Variants in KIAA1671 observed in about 807,000 individuals in gnomAD.
KIAA1671 encodes KIAA1671, also known as uncharacterized protein KIAA1671.
A neutral mutation model predicts 131.2 loss-of-function variants in KIAA1671; 52 were observed. The ratio of observed to expected loss-of-function variants is 0.40; its 90% confidence interval spans 0.32 to 0.50. The LOEUF (loss-of-function observed/expected upper bound fraction) is 0.50. Ranked by LOEUF, KIAA1671 falls within the 20% of genes least tolerant of loss-of-function variation. The pLI is 0.73. For missense variants in KIAA1671, 2,360 were observed against 2,364.2 expected, an observed-to-expected ratio of 1.00 and a Z score of 0.04; for synonymous variants, 1,003 against 961.6, an observed-to-expected ratio of 1.04 and a Z score of -0.80.
At position 25,046,402 on chromosome 22, in the gene KIAA1671, TCCTTCCTCTCTCCATC is replaced by T. The variant is rs150802519; in HGVS notation, c.4396-2800_4396-2785del. On this transcript the variant is annotated intron_variant, in intron 5 of 12. Coordinates refer to ENST00000358431, the MANE Select transcript of KIAA1671 (RefSeq NM_001145206.2). ...AGGGTGTGATGGTCATTAAAGTGATTCCTTCCTCTCTCCATCCCTTCCTCTCTCCATCCCTTCCTCT... is the reference window on the plus strand; with the variant it reads ...AGGGTGTGATGGTCATTAAAGTGATTCCTTCCTCTCTCCATCCCTTCCTCT... 3.0e-3 allele frequency among the ~76,000 whole-genome samples: 443 copies of T among 146,846 alleles called. 3 individuals carry two copies. Among genetic ancestry groups the T allele is most frequent in the African/African-American group, 9.1e-3 (360 of 39,434 alleles).
chr22:25,027,969 TC>T lies in KIAA1671; in HGVS notation c.-29del. On this transcript the variant is annotated 5_prime_UTR_variant, in exon 3 of 13. Coordinates refer to ENST00000358431, the MANE Select transcript of KIAA1671 (RefSeq NM_001145206.2). Reference sequence around the variant, plus strand: ...GCAATTGCTTCTCCATTCTTGAAGTTCCTAACCCCCATGAATCCACAACCAT... The same window carrying T: ...GCAATTGCTTCTCCATTCTTGAAGTTCTAACCCCCATGAATCCACAACCAT... 7.0e-7 allele frequency: 1 copy of T among 1,434,198 alleles called. No individual in the cohort carries two copies. Among genetic ancestry groups the T allele is most frequent in the Non-Finnish European group, 9.2e-7 (1 of 1,082,100 alleles). 88.8% of individuals were successfully genotyped at this position (1,434,198 alleles called of 1,614,324 possible). A position where few individuals can be genotyped will look rare whatever the true frequency, so the allele number is the denominator to read the frequency against.
chr22:25,028,933 G>T lies in KIAA1671; in HGVS notation c.934G>T (p.Asp312Tyr), dbSNP rs1212352861. 74 of 1,551,402 alleles carry T rather than the reference G, an allele frequency of 4.8e-5. No homozygotes were observed. Among genetic ancestry groups the T allele is most frequent in the Non-Finnish European group, 6.4e-5 (73 of 1,146,964 alleles). The change falls in exon 3 of 13, where the codon GAT becomes TAT. Residue 312 changes from aspartate (D) to tyrosine (Y), a missense_variant. Physicochemically the swap from Asp to Tyr is radical, Grantham distance 160 (BLOSUM62 -3). This residue lies in a region of KIAA1671 where 1,185 missense variants were observed against 1,126.2 expected (regional missense o/e 1.05). Transcript: ENST00000358431. Reference sequence around the variant, plus strand: ...TGAAGGAAGTGGACCCACAGCAGGGGATATGGCTGGGCTAGAGAGGCCCAG... The same window carrying T: ...TGAAGGAAGTGGACCCACAGCAGGGTATATGGCTGGGCTAGAGAGGCCCAG... ...ADEGSGPTAG[D>Y]MAGLERPRAA...
chr22:25,110,022 A>T (rs1003915423), intron 6 of KIAA1671: 1 of 152,280 alleles, frequency 6.6e-6, no homozygotes, highest in Non-Finnish European at 1.5e-5. Flanking sequence ...GCTACCGAGG[A>T]GGCTGAGGTG....
At chr22:25,091,632 G>A (rs1250998551) in intron 6 of KIAA1671, among the ~76,000 whole-genome samples, 2 of 152,154 alleles carry the variant, frequency 1.3e-5, no homozygotes, top group Non-Finnish European at 1.5e-5. Flanking sequence ...GCGGAACTGC[G>A]CTTGAAGATT....
chr22:25,105,253 C>T (rs559130937), intron 6 of KIAA1671, among the ~76,000 whole-genome samples: 1 of 152,248 alleles, frequency 6.6e-6, no homozygotes, highest in East Asian at 1.9e-4. Context: ...AACTCCTGAC[C>T]TCAGAGAATC....
intron 1 of KIAA1671, among the ~76,000 whole-genome samples, chr22:24,956,024 CAAAAAAAAAAAA>C (rs1167493018): frequency 1.9e-5 from 1 of 51,910 alleles, no homozygotes; most frequent in African/African-American, 7.2e-5. Flanking sequence ...GACTCCGTCT[CAAAAAAAAAAAA>C]AAAAAAGAAA....
intron 1 of KIAA1671, among the ~76,000 whole-genome samples, chr22:24,956,855 G>C (rs902711992): frequency 7.0e-6 from 1 of 142,242 alleles, no homozygotes; most frequent in Non-Finnish European, 1.5e-5. Flanking sequence ...CTGGGCGAGA[G>C]AGCGAGACTC....
At chr22:25,042,752 C>T (rs919012247) in intron 5 of KIAA1671, among the ~76,000 whole-genome samples, 2 of 151,836 alleles carry the variant, frequency 1.3e-5, no homozygotes, top group Non-Finnish European at 2.9e-5. Flanking sequence ...GGATTACAGG[C>T]GCGAGCCACT....
intron 1 of KIAA1671, chr22:25,014,704 T>A (rs989851205): frequency 6.6e-6 from 1 of 152,208 alleles, no homozygotes; most frequent in African/African-American, 2.4e-5. Context: ...CACACCTGGC[T>A]GGATTTACGA....
intron 6 of KIAA1671, chr22:25,111,920 G>A (rs1375832901): frequency 3.5e-6 from 1 of 282,614 alleles, no homozygotes; most frequent in Non-Finnish European, 6.5e-6. Context: ...TTATAACTCC[G>A]CTGGGGTGGA....
chr22:25,141,460 C>T (rs1305773857), intron 6 of KIAA1671, among the ~76,000 whole-genome samples: 1 of 152,094 alleles, frequency 6.6e-6, no homozygotes, highest in African/African-American at 2.4e-5. Context: ...TCTCAATCTC[C>T]TGACCTCGTG....
chr22:25,174,455 C>T lies in KIAA1671; in HGVS notation c.4865C>T (p.Pro1622Leu), dbSNP rs1019325654. 4 of 1,541,884 alleles carry T rather than the reference C, an allele frequency of 2.6e-6. No individual in the cohort carries two copies. The African/African-American group carries it at 5.5e-5, about 21-fold the overall frequency. The change falls in exon 8 of 13, where the codon CCT becomes CTT. Residue 1622 changes from proline to leucine, a missense_variant. Physicochemically the swap from Pro to Leu is moderately conservative, Grantham distance 98 (BLOSUM62 -3). This residue lies in a region of KIAA1671 where 1,161 missense variants were observed against 1,204.7 expected (regional missense o/e 0.96). Transcript: ENST00000358431. ...GGGCCGCCTCCACCGGACGCCTGCC[C>T]TGAAAAGAGAGTAGATGACTTCTCC... ...MEGPPPPDACPEKRVDDFSFI... is the reference protein window; with the variant it reads ...MEGPPPPDACLEKRVDDFSFI...
chr22:25,072,551 A>G (rs1459477690), intron 6 of KIAA1671, among the ~76,000 whole-genome samples: 1 of 152,018 alleles, frequency 6.6e-6, no homozygotes, highest in African/African-American at 2.4e-5. Context: ...TGTTAACAAG[A>G]CCGGGATCTT....
intron 7 of KIAA1671, 83 bp downstream of exon 7, chr22:25,171,021 A>C (rs1025501456): frequency 1.3e-4 from 135 of 1,067,320 alleles, no homozygotes; most frequent in Non-Finnish European, 1.9e-4. Flanking sequence ...CCTGATTTCT[A>C]TATTGCTAAA....
chr22:25,000,816 C>CTT lies in KIAA1671; in HGVS notation c.-207-24806_-207-24805dup, dbSNP rs141521196. 1.7e-4 allele frequency among the ~76,000 whole-genome samples: 24 copies of CTT among 144,410 alleles called. 1 individual carries two copies. The highest frequency in any genetic ancestry group is 3.5e-3 in the Middle Eastern group (1 of 282). The allele number at this position is 144,410 out of a possible 152,430, so 94.7% of individuals were successfully genotyped here. On this transcript the variant is annotated intron_variant, in intron 1 of 12. Coordinates refer to ENST00000358431, the MANE Select transcript of KIAA1671 (RefSeq NM_001145206.2). ...TACAGGAATGAGCCACTGCACCTGG[C>CTT]TTTTTTTTTTTTGAACAGAGACAGG... is the stretch of plus-strand genomic sequence containing the variant.
intron 11 of KIAA1671, among the ~76,000 whole-genome samples, chr22:25,189,691 T>C (rs1934603194): frequency 6.6e-6 from 1 of 152,242 alleles, no homozygotes; most frequent in African/African-American, 2.4e-5. Flanking sequence ...GACACTTACC[T>C]GGATAGAGAG....
intron 6 of KIAA1671, among the ~76,000 whole-genome samples, chr22:25,122,520 C>G (rs1401213030): frequency 6.6e-6 from 1 of 152,208 alleles, no homozygotes; most frequent in African/African-American, 2.4e-5. Flanking sequence ...TGTGGGATAG[C>G]CCTGCTCTGC....
chr22:24,977,362 C>T (rs926540782), intron 1 of KIAA1671, among the ~76,000 whole-genome samples: 4 of 152,202 alleles, frequency 2.6e-5, no homozygotes, highest in Non-Finnish European at 4.4e-5. Flanking sequence ...TGTTACCATG[C>T]GCTGTTGTCT....
intron 6 of KIAA1671, among the ~76,000 whole-genome samples, chr22:25,087,382 G>A (rs565624205): frequency 1.2e-4 from 19 of 152,288 alleles, no homozygotes; most frequent in African/African-American, 4.6e-4. Flanking sequence ...TCAGGAGTTC[G>A]AGACCAGTCT....
Sources: allele counts gnomAD v4.1 joint callset (sites outside exome capture counted in the v4.1 genomes callset), GRCh38; gene constraint gnomAD v4.1.1; regional missense constraint gnomAD v4.1.1; transcripts MANE v1.5; gene names NCBI Gene and HGNC (gene_info 2026-07-23, HGNC 2026-07-21).